Variants in SAMD4A observed in about 807,000 individuals in gnomAD.
SAMD4A encodes sterile alpha motif domain containing 4A, also known as protein Smaug homolog 1.
A neutral mutation model predicts 81.3 loss-of-function variants in SAMD4A; 33 were observed. The ratio of observed to expected loss-of-function variants is 0.41; its 90% confidence interval spans 0.31 to 0.54. The LOEUF is 0.54. SAMD4A is among the 20% of genes least tolerant of loss of function. The pLI is 0.37. For synonymous variants in SAMD4A, 389 were observed against 382.1 expected (o/e 1.02, Z -0.21); for missense variants, 854 against 951.1 (o/e 0.90, Z 1.34).
chr14:54,713,325 G>T (rs35522398), intron 3 of SAMD4A, among the ~76,000 whole-genome samples: 15,596 of 151,968 alleles, frequency 0.1, 960 homozygotes, highest in South Asian at 0.19. Context: ...ATCTCATTCC[G>T]GCCATCTCCC....
At chr14:54,611,145 A>G (rs1199824005) in intron 2 of SAMD4A, among the ~76,000 whole-genome samples, 1 of 152,242 alleles carries the variant, frequency 6.6e-6, no homozygotes, top group African/African-American at 2.4e-5. Flanking sequence ...TATGTGTCCT[A>G]AAGAGAAAAA....
intron 2 of SAMD4A, among the ~76,000 whole-genome samples, chr14:54,669,703 T>G (rs2035836100): frequency 6.6e-6 from 1 of 152,156 alleles, no homozygotes; most frequent in Non-Finnish European, 1.5e-5. Context: ...TGCCTATAAT[T>G]AGCACCTCTT....
At chr14:54,786,596 G>C (rs1326325109) in intron 12 of SAMD4A, among the ~76,000 whole-genome samples, 1 of 152,208 alleles carries the variant, frequency 6.6e-6, no homozygotes, top group Non-Finnish European at 1.5e-5. Context: ...ACAGTGGCCA[G>C]CTGGGTGGGG....
In SAMD4A at chr14:54,792,767, T is replaced by C. The variant is rs938622741; in HGVS notation, c.*3823T>C. On this transcript the variant is annotated 3_prime_UTR_variant, in exon 13 of 13. Transcript: ENST00000554335. ...AAAGTGAGTTTTATTTTTTTGTAAT[T>C]CCTTTATCTTTACTTAAAGGTGAAT... 4 of 152,170 alleles carry C rather than the reference T, an allele frequency of 2.6e-5. No individual in the cohort carries two copies. Among genetic ancestry groups the C allele is most frequent in the African/African-American group, 9.7e-5 (4 of 41,436 alleles). The allele number at this position is 152,170 out of a possible 1,614,324, so 9.4% of individuals were successfully genotyped here. A position where few individuals can be genotyped will look rare whatever the true frequency, so the allele number is the denominator to read the frequency against.
chr14:54,760,989 CTGAAAGTGTT>C (rs33955557), intron 7 of SAMD4A, among the ~76,000 whole-genome samples: 64,035 of 152,064 alleles, frequency 0.42, 13,828 homozygotes, highest in South Asian at 0.52. Flanking sequence ...CTCCTCACCA[CTGAAAGTGTT>C]CTCAGATGTG....
chr14:54,707,786 A>G (rs1193159094), intron 3 of SAMD4A, among the ~76,000 whole-genome samples: 1 of 152,088 alleles, frequency 6.6e-6, no homozygotes, highest in African/African-American at 2.4e-5. Flanking sequence ...ATAAAGCTGG[A>G]GCAAAGATCC....
chr14:54,772,316 C>T (rs749342853), intron 9 of SAMD4A, among the ~76,000 whole-genome samples: 16 of 152,220 alleles, frequency 1.1e-4, no homozygotes, highest in Middle Eastern at 3.4e-3. Flanking sequence ...TTGTTCTCTC[C>T]CCAGAAAGCA....
chr14:54,637,989 AAGTG>A (rs1287367523), intron 2 of SAMD4A, among the ~76,000 whole-genome samples: 1 of 152,208 alleles, frequency 6.6e-6, no homozygotes, highest in Non-Finnish European at 1.5e-5. Flanking sequence ...TCCAGCATCA[AAGTG>A]AGTCAGTTAT....
chr14:54,667,599 C>T (rs2035783187), intron 2 of SAMD4A, among the ~76,000 whole-genome samples: 1 of 152,218 alleles, frequency 6.6e-6, no homozygotes, highest in South Asian at 2.1e-4. Flanking sequence ...CACCTGGGAT[C>T]ACCAGCCTCT....
chr14:54,661,050 G>A (rs1051236309), intron 2 of SAMD4A, among the ~76,000 whole-genome samples: 1 of 152,138 alleles, frequency 6.6e-6, no homozygotes, highest in Non-Finnish European at 1.5e-5. Context: ...AAGGCACTGC[G>A]GACTTTAAGT....
At chr14:54,786,358 G>A (rs1043819560) in intron 12 of SAMD4A, among the ~76,000 whole-genome samples, 3 of 152,220 alleles carry the variant, frequency 2.0e-5, no homozygotes, top group Non-Finnish European at 4.4e-5. Context: ...CAAATATTCT[G>A]GAATTAGATA....
intron 2 of SAMD4A, among the ~76,000 whole-genome samples, chr14:54,638,271 C>G (rs1361292226): frequency 6.6e-6 from 1 of 152,200 alleles, no homozygotes; most frequent in Non-Finnish European, 1.5e-5. Context: ...CACGGAGCAG[C>G]TGGTCTTAGC....
intron 3 of SAMD4A, among the ~76,000 whole-genome samples, chr14:54,710,536 T>C (rs975820375): frequency 5.9e-5 from 9 of 152,166 alleles, no homozygotes; most frequent in African/African-American, 2.2e-4. Context: ...AAATCGATGT[T>C]ATTACTTGCC....
At chr14:54,639,129 C>G (rs2035106097) in intron 2 of SAMD4A, among the ~76,000 whole-genome samples, 1 of 152,188 alleles carries the variant, frequency 6.6e-6, no homozygotes, top group Non-Finnish European at 1.5e-5. Flanking sequence ...ACTTTAATCC[C>G]TCCAAGCTTC....
intron 2 of SAMD4A, among the ~76,000 whole-genome samples, chr14:54,615,831 T>C (rs2034476253): frequency 6.6e-6 from 1 of 152,194 alleles, no homozygotes; most frequent in East Asian, 1.9e-4. Flanking sequence ...GCTCTAAAAA[T>C]ATAATATTTA....
Position 54,567,802 on chromosome 14 carries a change from C to A in SAMD4A, c.-115C>A. 2 of 1,150,756 alleles carry A rather than the reference C, an allele frequency of 1.7e-6. No homozygotes were observed. Among genetic ancestry groups the A allele is most frequent in the South Asian group, 2.9e-5 (2 of 69,558 alleles). The allele number at this position is 1,150,756 out of a possible 1,614,324, so 71.3% of individuals were successfully genotyped here. Reference sequence around the variant, plus strand: ...TGCAGCGTCCGGGCACCAGAGCCACCTTGGAACAGGAACGCGTCTCCGGCC... The same window carrying A: ...TGCAGCGTCCGGGCACCAGAGCCACATTGGAACAGGAACGCGTCTCCGGCC... On this transcript the variant is annotated 5_prime_UTR_variant, in exon 2 of 13. Coordinates refer to ENST00000554335, the MANE Select transcript of SAMD4A (RefSeq NM_015589.6).
At chr14:54,591,002 A>G (rs1396128830) in intron 2 of SAMD4A, among the ~76,000 whole-genome samples, 1 of 152,220 alleles carries the variant, frequency 6.6e-6, no homozygotes, top group African/African-American at 2.4e-5. Flanking sequence ...CAATTGCTGA[A>G]GCAGCTTGTC....
chr14:54,783,968 G>A (rs1223616021), intron 11 of SAMD4A, among the ~76,000 whole-genome samples: 2 of 152,230 alleles, frequency 1.3e-5, no homozygotes, highest in East Asian at 1.9e-4. Context: ...AAATATGACA[G>A]CTGTGGGCGA....
chr14:54,607,531 C>T (rs2034242501), intron 2 of SAMD4A, among the ~76,000 whole-genome samples: 1 of 151,136 alleles, frequency 6.6e-6, no homozygotes, highest in Non-Finnish European at 1.5e-5. Flanking sequence ...TCTCTGCTCA[C>T]TGCAAGCTCC....
Sources: allele counts gnomAD v4.1 joint callset (sites outside exome capture counted in the v4.1 genomes callset), GRCh38; gene constraint gnomAD v4.1.1; transcripts MANE v1.5; gene names NCBI Gene and HGNC (gene_info 2026-07-23, HGNC 2026-07-21).